The following LYST variants were observed in gnomAD, a reference collection of about 807,000 sequenced individuals.
LYST encodes the protein lysosomal trafficking regulator, also known as lysosomal-trafficking regulator.
LYST carries 192 observed loss-of-function variants against 413.6 expected under a neutral mutation model. The observed-to-expected ratio is 0.46, with a 90% CI of 0.41 to 0.52. The LOEUF (loss-of-function observed/expected upper bound fraction) is 0.52, where lower values mean the gene tolerates loss of function less well. Among genes scored for constraint, LYST ranks in the 20% least tolerant of loss-of-function variants. The pLI, the probability that LYST is intolerant of heterozygous loss-of-function variation, is 0.00. For synonymous variants in LYST, 1,525 were observed against 1,567.3 expected (o/e 0.97, Z 0.64); for missense variants, 3,815 against 4,499.9 (o/e 0.85, Z 4.35).
intron 5 of LYST, among the ~76,000 whole-genome samples, chr1:235,807,657 A>G (rs1336203382): frequency 6.6e-6 from 1 of 152,216 alleles, no homozygotes; most frequent in Non-Finnish European, 1.5e-5. Flanking sequence ...AAAATGGTAT[A>G]TGCATTAATT....
At chr1:235,834,508 G>T (rs561634476) in intron 1 of LYST, among the ~76,000 whole-genome samples, 1 of 152,290 alleles carries the variant, frequency 6.6e-6, no homozygotes, top group South Asian at 2.1e-4. Flanking sequence ...AAAGTACTGG[G>T]ATTACAGGCG....
chr1:235,853,842 G>A (rs886135939), intron 1 of LYST, among the ~76,000 whole-genome samples: 2 of 152,104 alleles, frequency 1.3e-5, no homozygotes, highest in Admixed American at 6.6e-5. Context: ...CCAAACTTAA[G>A]CCTTTCAACA....
chr1:235,868,426 C>T (rs1187288526), upstream of LYST, among the ~76,000 whole-genome samples: 1 of 152,178 alleles, frequency 6.6e-6, no homozygotes, highest in Non-Finnish European at 1.5e-5. Flanking sequence ...TGTGTCTACT[C>T]TTATTTATAC....
At chr1:235,731,254 T>C (rs1405548512) in intron 34 of LYST, 77 bp from the exon 35 acceptor site, 4 of 1,284,702 alleles carry the variant, frequency 3.1e-6, no homozygotes, top group Admixed American at 3.4e-5. Flanking sequence ...ATTATAGAGA[T>C]TGAGTAAGTA....
At position 235,759,140 on chromosome 1, in the gene LYST, C is replaced by T. The variant is rs1035232599; in HGVS notation, c.6713G>A (p.Arg2238Gln). The T allele has an allele frequency of 2.2e-5, 36 of 1,614,050 alleles. No homozygotes were observed. The highest frequency in any genetic ancestry group is 4.5e-5 in the East Asian group (2 of 44,894). ...AAGGCTTGCAATAGTGCTGTGGCTT[C>T]GCTGGAAGGAGGCCAATCCCTTTAG... Reference protein sequence around the residue: ...DYLKGLASFQRSHSTIASLGL... With the variant: ...DYLKGLASFQQSHSTIASLGL... The change falls in exon 23 of 53, where the codon CGA becomes CAA. Residue 2238 changes from arginine (R) to glutamine (Q), a missense_variant. Coordinates refer to ENST00000389793, the MANE Select transcript of LYST (RefSeq NM_000081.4).
chr1:235,736,129 A>T (rs1251205873), intron 31 of LYST: 1 of 152,128 alleles, frequency 6.6e-6, no homozygotes, highest in Non-Finnish European at 1.5e-5. Context: ...TCTCATTTTA[A>T]TACCCTCTGA....
chr1:235,771,286 A>G (rs1261728241), intron 19 of LYST, among the ~76,000 whole-genome samples: 2 of 152,154 alleles, frequency 1.3e-5, no homozygotes, highest in Non-Finnish European at 2.9e-5. Flanking sequence ...GAAAAACGAG[A>G]CTTAGTTCAA....
intron 28 of LYST, among the ~76,000 whole-genome samples, chr1:235,748,809 C>G (rs1666172951): frequency 6.6e-6 from 1 of 152,134 alleles, no homozygotes; most frequent in South Asian, 2.1e-4. Flanking sequence ...AACTTTGGTT[C>G]CAAGTCATGG....
intron 1 of LYST, among the ~76,000 whole-genome samples, chr1:235,874,415 G>C (rs1188790010): frequency 1.3e-5 from 2 of 152,192 alleles, no homozygotes; most frequent in African/African-American, 4.8e-5. Context: ...GCAACATTGT[G>C]CGTAGGATTC....
intron 1 of LYST, among the ~76,000 whole-genome samples, chr1:235,851,322 A>G (rs1011765982): frequency 6.6e-6 from 1 of 151,800 alleles, no homozygotes; most frequent in Admixed American, 6.6e-5. Flanking sequence ...AAAACATCAT[A>G]TGTTCTCACT....
chr1:235,779,116 C>G (rs536271019), intron 16 of LYST, among the ~76,000 whole-genome samples: 1 of 152,210 alleles, frequency 6.6e-6, no homozygotes, highest in Non-Finnish European at 1.5e-5. Context: ...ATCCACCCGC[C>G]TCGGCCTCCC....
chr1:235,722,127 C>T (rs144378548), intron 39 of LYST, among the ~76,000 whole-genome samples: 39 of 152,206 alleles, frequency 2.6e-4, no homozygotes, highest in African/African-American at 8.2e-4. Flanking sequence ...GCAAAGTCCC[C>T]GAGGCACTGG....
intron 1 of LYST, among the ~76,000 whole-genome samples, chr1:235,834,864 C>CT (rs1405260042): frequency 6.6e-6 from 1 of 152,066 alleles, no homozygotes; most frequent in African/African-American, 2.4e-5. Flanking sequence ...GAATAGAGTC[C>CT]TAACACACCT....
rs140714283 is a variant in LYST at position 235,666,266 on chromosome 1, A to T, written c.11039-1645T>A. 4.0e-3 allele frequency among the ~76,000 whole-genome samples: 491 copies of T among 122,954 alleles called. 10 individuals are homozygous for T. The highest frequency in any genetic ancestry group is 2.5e-3 in the Non-Finnish European group (146 of 57,958). 80.7% of individuals were successfully genotyped at this position (122,954 alleles called of 152,430 possible). ...CACACACACACACACACACACACAC[A>T]CACAATTTTCTTTAGCCGTAAAAAG... On this transcript the variant is annotated intron_variant, in intron 50 of 52. Transcript: ENST00000389793.
chr1:235,666,607 T>C lies in LYST; in HGVS notation c.11039-1986A>G, dbSNP rs61834657. ...ACACACATGCACACACACACACACA[T>C]ACACACACACACACACACACACACA... On this transcript the variant is annotated intron_variant, in intron 50 of 52. Coordinates refer to ENST00000389793, the MANE Select transcript of LYST (RefSeq NM_000081.4). 4.0e-3 allele frequency among the ~76,000 whole-genome samples: 562 copies of C among 141,346 alleles called. 2 individuals carry two copies. The highest frequency in any genetic ancestry group is 0.011 in the African/African-American group (414 of 39,092). 92.7% of individuals were successfully genotyped at this position (141,346 alleles called of 152,430 possible). A position where few individuals can be genotyped will look rare whatever the true frequency, so the allele number is the denominator to read the frequency against.
chr1:235,782,210 G>A (rs551995504), intron 14 of LYST, 123 bp from the exon 15 acceptor site: 42 of 825,928 alleles, frequency 5.1e-5, no homozygotes, highest in Admixed American at 1.8e-4. Flanking sequence ...ACAGAGTCTC[G>A]CTCTGTTGCC....
At chr1:235,818,790 G>A (rs1674440978) in intron 3 of LYST, among the ~76,000 whole-genome samples, 1 of 152,176 alleles carries the variant, frequency 6.6e-6, no homozygotes, top group Non-Finnish European at 1.5e-5. Context: ...ACGCTGTACT[G>A]ATAATTCAGC....
rs935278109 is a variant in LYST at position 235,780,887 on chromosome 1, T to C, written c.5192A>G (p.Asp1731Gly). 1.0e-5 allele frequency: 16 copies of C among 1,535,616 alleles called. No individual in the cohort carries two copies. Among genetic ancestry groups the C allele is most frequent in the African/African-American group, 1.4e-5 (1 of 73,198 alleles). The change falls in exon 16 of 53, where the codon GAT becomes GGT. Residue 1731 changes from aspartate (D) to glycine (G), a missense_variant. Coordinates refer to ENST00000389793, the MANE Select transcript of LYST (RefSeq NM_000081.4). Reference protein sequence around the residue: ...QIRELFMTKKDVDIGLLIESL... With the variant: ...QIRELFMTKKGVDIGLLIESL... ...TACAATTAAGAGACCAATATCCACA[T>C]CTTTCTTGGTCATAAAAAGTTCTCT...
chr1:235,767,905 C>G (rs1031004636), intron 20 of LYST, among the ~76,000 whole-genome samples: 2 of 152,086 alleles, frequency 1.3e-5, no homozygotes, highest in African/African-American at 2.4e-5. Context: ...TCATCTTCTT[C>G]TCTACATGTT....
Sources: allele counts gnomAD v4.1 joint callset (sites outside exome capture counted in the v4.1 genomes callset), GRCh38; gene constraint gnomAD v4.1.1; transcripts MANE v1.5; gene names NCBI Gene and HGNC (gene_info 2026-07-23, HGNC 2026-07-21).